Variants in NKAIN2 observed in about 807,000 individuals in gnomAD.
NKAIN2 encodes sodium/potassium transporting ATPase interacting 2.
In NKAIN2, 14 loss-of-function variants were observed where a neutral mutation model predicts 32.6. That is an observed-to-expected ratio of 0.43 (90% CI 0.28 to 0.67). NKAIN2 has a LOEUF of 0.67. Ranked by LOEUF, NKAIN2 falls within the 30% of genes least tolerant of loss-of-function variation. NKAIN2 has a pLI of 0.17. For synonymous variants in NKAIN2, 80 were observed against 87.2 expected, an observed-to-expected ratio of 0.92 and a Z score of 0.46; for missense variants, 198 against 258.3, an observed-to-expected ratio of 0.77 and a Z score of 1.60.
chr6:124,501,396 T>C (rs1778284715), intron 3 of NKAIN2, among the ~76,000 whole-genome samples: 2 of 152,138 alleles, frequency 1.3e-5, no homozygotes, highest in Non-Finnish European at 2.9e-5. Flanking sequence ...ACATAATTAG[T>C]GTGCAGCAAA....
At chr6:123,989,003 GTTATAC>G (rs1779294409) in intron 1 of NKAIN2, among the ~76,000 whole-genome samples, 1 of 151,704 alleles carries the variant, frequency 6.6e-6, no homozygotes, top group Non-Finnish European at 1.5e-5. Context: ...TCTGTGCTCT[GTTATAC>G]TTATTACTAT....
intron 3 of NKAIN2, among the ~76,000 whole-genome samples, chr6:124,396,494 T>A (rs1451752422): frequency 4.0e-5 from 6 of 150,872 alleles, no homozygotes; most frequent in Non-Finnish European, 8.8e-5. Context: ...GTCACCTAGA[T>A]TTGATGAAGG....
chr6:124,337,329 T>C (rs75428226), intron 2 of NKAIN2, among the ~76,000 whole-genome samples: 1,959 of 152,152 alleles, frequency 0.013, 44 homozygotes, highest in African/African-American at 0.044. Context: ...AGACCCTGTC[T>C]CTACGAAACT....
At chr6:123,807,226 A>C (rs1177315845) in intron 1 of NKAIN2, among the ~76,000 whole-genome samples, 2 of 152,128 alleles carry the variant, frequency 1.3e-5, no homozygotes, top group Non-Finnish European at 2.9e-5. Context: ...AGATTCATAC[A>C]AAACTTCCAT....
chr6:124,285,802 TA>T, intron 2 of NKAIN2, among the ~76,000 whole-genome samples: 1 of 152,290 alleles, frequency 6.6e-6, no homozygotes, highest in South Asian at 2.1e-4. Context: ...ACCTTACTGA[TA>T]AACAGTTGAT....
At chr6:123,866,384 A>AC (rs1772513184) in intron 1 of NKAIN2, among the ~76,000 whole-genome samples, 1 of 149,472 alleles carries the variant, frequency 6.7e-6, no homozygotes, top group African/African-American at 2.6e-5. Context: ...GGCATTTCGA[A>AC]GGTTCTAAGG....
At chr6:124,265,289 C>G (rs1523981) in intron 1 of NKAIN2, among the ~76,000 whole-genome samples, 3 of 151,726 alleles carry the variant, frequency 2.0e-5, no homozygotes, top group Non-Finnish European at 4.4e-5. Context: ...ACAACGGAAA[C>G]AAACTTTGGA....
chr6:123,911,812 TAC>T (rs60501930), intron 1 of NKAIN2, among the ~76,000 whole-genome samples: 14,645 of 84,540 alleles, frequency 0.17, 2,049 homozygotes, highest in Admixed American at 0.21. Context: ...TATATATATA[TAC>T]ACACACACAC....
At chr6:124,795,098 C>G (rs919187712) in intron 5 of NKAIN2, among the ~76,000 whole-genome samples, 3 of 152,144 alleles carry the variant, frequency 2.0e-5, no homozygotes, top group African/African-American at 7.2e-5. Flanking sequence ...TGCAGTGAAA[C>G]ATAGTGGCAG....
intron 1 of NKAIN2, among the ~76,000 whole-genome samples, chr6:124,247,472 T>G (rs763455948): frequency 1.3e-5 from 2 of 152,116 alleles, no homozygotes; most frequent in African/African-American, 2.4e-5. Context: ...ATTCCACTAG[T>G]AGAGAATAAT....
chr6:124,416,745 C>A (rs542548283), intron 3 of NKAIN2, among the ~76,000 whole-genome samples: 1 of 152,042 alleles, frequency 6.6e-6, no homozygotes, highest in Non-Finnish European at 1.5e-5. Flanking sequence ...TTCTCCTGCC[C>A]CTGTGTGAAT....
intron 4 of NKAIN2, among the ~76,000 whole-genome samples, chr6:124,704,625 A>G (rs1423889326): frequency 6.7e-6 from 1 of 148,420 alleles, no homozygotes; most frequent in African/African-American, 2.5e-5. Context: ...AGTGAGAGAG[A>G]GAGGAGTGAG....
chr6:124,247,339 C>T (rs1028250919), intron 1 of NKAIN2, among the ~76,000 whole-genome samples: 3 of 152,034 alleles, frequency 2.0e-5, no homozygotes, highest in Non-Finnish European at 1.5e-5. Flanking sequence ...GCTTTTGCTT[C>T]GAGAGCAAAG....
intron 4 of NKAIN2, among the ~76,000 whole-genome samples, chr6:124,755,447 A>C (rs921487750): frequency 2.0e-5 from 3 of 152,114 alleles, no homozygotes; most frequent in Non-Finnish European, 4.4e-5. Context: ...ACAACACTTT[A>C]CCAACTATCT....
intron 4 of NKAIN2, among the ~76,000 whole-genome samples, chr6:124,748,100 C>T (rs1451929130): frequency 6.6e-6 from 1 of 151,916 alleles, no homozygotes; most frequent in Non-Finnish European, 1.5e-5. Context: ...CACAATTTGC[C>T]ATGAAAGTTT....
At chr6:124,602,863 T>TCC (rs1172453207) in intron 3 of NKAIN2, among the ~76,000 whole-genome samples, 1 of 151,950 alleles carries the variant, frequency 6.6e-6, no homozygotes, top group Non-Finnish European at 1.5e-5. Flanking sequence ...CCCCACTATG[T>TCC]CCACCATGAC....
intron 1 of NKAIN2, among the ~76,000 whole-genome samples, chr6:124,232,358 C>T (rs1187734839): frequency 6.6e-6 from 1 of 151,930 alleles, no homozygotes. Flanking sequence ...TTAGCAGGAA[C>T]TGAAATTAAA....
At chr6:124,326,767 A>G (rs1273516842) in intron 2 of NKAIN2, among the ~76,000 whole-genome samples, 2 of 152,184 alleles carry the variant, frequency 1.3e-5, no homozygotes, top group Non-Finnish European at 2.9e-5. Flanking sequence ...CTGGTAAACA[A>G]TAATTGTTTA....
At chr6:124,428,071 C>T (rs1299033107) in intron 3 of NKAIN2, among the ~76,000 whole-genome samples, 1 of 152,012 alleles carries the variant, frequency 6.6e-6, no homozygotes, top group African/African-American at 2.4e-5. Context: ...TGCTCTTTAG[C>T]TCAGCAGAAT....
Sources: gnomAD v4.1 joint callset for allele counts (sites outside exome capture counted in the v4.1 genomes callset) on GRCh38, gnomAD v4.1.1 for gene constraint, MANE v1.5 for transcripts, NCBI Gene and HGNC (gene_info 2026-07-23, HGNC 2026-07-21) for gene names.